Variants in RASGRF2 observed in about 807,000 individuals in gnomAD.
RASGRF2 encodes the protein Ras protein specific guanine nucleotide releasing factor 2.
A neutral mutation model predicts 151.0 loss-of-function variants in RASGRF2; 76 were observed. The observed-to-expected ratio is 0.50, with a 90% CI of 0.42 to 0.61. The LOEUF (loss-of-function observed/expected upper bound fraction) is 0.61, where lower values mean the gene tolerates loss of function less well. Among genes scored for constraint, RASGRF2 ranks in the 20% least tolerant of loss-of-function variants. The pLI, the probability that RASGRF2 is intolerant of heterozygous loss-of-function variation, is 0.00. For synonymous variants in RASGRF2, 504 were observed against 566.5 expected, an observed-to-expected ratio of 0.89 and a Z score of 1.57; for missense variants, 1,148 against 1,564.6, an observed-to-expected ratio of 0.73 and a Z score of 4.49.
chr5:81,004,472 T>C (rs1179952812), intron 1 of RASGRF2, among the ~76,000 whole-genome samples: 1 of 152,198 alleles, frequency 6.6e-6, no homozygotes, highest in Non-Finnish European at 1.5e-5. Context: ...GCAAAGAGGC[T>C]GTGTTGGGTG....
chr5:81,197,316 C>T (rs1404008174), intron 18 of RASGRF2, among the ~76,000 whole-genome samples: 3 of 150,740 alleles, frequency 2.0e-5, no homozygotes, highest in Non-Finnish European at 4.4e-5. Flanking sequence ...ATTAGCCGGG[C>T]GCGGTGGCGG....
At chr5:80,981,878 C>T (rs114122789) in intron 1 of RASGRF2, among the ~76,000 whole-genome samples, 180 of 152,162 alleles carry the variant, frequency 1.2e-3, no homozygotes, top group African/African-American at 4.1e-3. Flanking sequence ...CTAAAAATTG[C>T]TTTTTAAAAA....
intron 1 of RASGRF2, among the ~76,000 whole-genome samples, chr5:81,012,870 TG>T (rs1356334867): frequency 6.6e-6 from 1 of 152,074 alleles, no homozygotes; most frequent in Non-Finnish European, 1.5e-5. Flanking sequence ...GTCGTGCACC[TG>T]GTCATCCACT....
intron 4 of RASGRF2, among the ~76,000 whole-genome samples, chr5:81,072,342 C>A (rs529995519): frequency 6.6e-6 from 1 of 152,082 alleles, no homozygotes; most frequent in Admixed American, 6.5e-5. Flanking sequence ...GGTGACGACA[C>A]TGGTAGGCAG....
intron 1 of RASGRF2, among the ~76,000 whole-genome samples, chr5:81,008,591 G>A (rs1580198175): frequency 1.3e-5 from 2 of 152,262 alleles, no homozygotes; most frequent in East Asian, 3.9e-4. Flanking sequence ...ATCAGTATAT[G>A]TGTGTCTATA....
intron 17 of RASGRF2, among the ~76,000 whole-genome samples, chr5:81,174,684 C>A (rs1410998522): frequency 6.6e-6 from 1 of 152,100 alleles, no homozygotes; most frequent in Non-Finnish European, 1.5e-5. Flanking sequence ...CACTTTTAAA[C>A]TTTTTTATTG....
At chr5:81,127,551 T>C (rs541317253) in intron 17 of RASGRF2, among the ~76,000 whole-genome samples, 14 of 151,724 alleles carry the variant, frequency 9.2e-5, no homozygotes, top group Non-Finnish European at 1.6e-4. Flanking sequence ...AAAATAATAA[T>C]AAGAGAATGC....
intron 17 of RASGRF2, among the ~76,000 whole-genome samples, chr5:81,157,240 G>C (rs566569360): frequency 6.6e-6 from 1 of 151,510 alleles, no homozygotes; most frequent in African/African-American, 2.4e-5. Flanking sequence ...TGTAGTCCCA[G>C]CTACTCGGAG....
intron 1 of RASGRF2, among the ~76,000 whole-genome samples, chr5:81,029,307 T>TCC (rs1415002705): frequency 6.6e-6 from 1 of 152,204 alleles, no homozygotes; most frequent in Non-Finnish European, 1.5e-5. Flanking sequence ...GTAGTGGTTC[T>TCC]CCCAGCACAC....
At chr5:81,072,272 A>C (rs1561591919) in intron 4 of RASGRF2, among the ~76,000 whole-genome samples, 1 of 152,190 alleles carries the variant, frequency 6.6e-6, no homozygotes, top group African/African-American at 2.4e-5. Flanking sequence ...TTGTGTTAAA[A>C]TGTGGTTAAT....
intron 18 of RASGRF2, among the ~76,000 whole-genome samples, chr5:81,191,599 G>T (rs755824314): frequency 1.3e-5 from 2 of 151,840 alleles, no homozygotes; most frequent in Non-Finnish European, 2.9e-5. Context: ...TTTTCCCTCT[G>T]GTCTTTGTCA....
chr5:80,996,533 TCCCC>T (rs1294411331), intron 1 of RASGRF2, among the ~76,000 whole-genome samples: 15 of 36,542 alleles, frequency 4.1e-4, no homozygotes, highest in South Asian at 2.2e-3. Flanking sequence ...CTCCTCCTCC[TCCCC>T]CTCCTCCTCC....
At chr5:80,969,537 C>T (rs1248793805) in intron 1 of RASGRF2, among the ~76,000 whole-genome samples, 1 of 151,374 alleles carries the variant, frequency 6.6e-6, no homozygotes, top group Non-Finnish European at 1.5e-5. Context: ...CAAGCTCCGC[C>T]TCCAGGGTTC....
At chr5:81,021,584 A>G (rs1414906347) in intron 1 of RASGRF2, among the ~76,000 whole-genome samples, 1 of 151,300 alleles carries the variant, frequency 6.6e-6, no homozygotes, top group East Asian at 1.9e-4. Flanking sequence ...GTGTGTGTCT[A>G]TCAGAGGGTG....
chr5:81,067,309 A>G (rs780611519), intron 2 of RASGRF2, among the ~76,000 whole-genome samples: 24 of 152,240 alleles, frequency 1.6e-4, no homozygotes, highest in Non-Finnish European at 3.1e-4. Context: ...TGATGCAAGA[A>G]GATCTGGAGG....
rs1755392572 is a variant in RASGRF2, at chr5:81,201,462, C to G, written c.2906+20C>G. ...CCTCAGGTGAAGGCAGCTGAAGATG[C>G]CGACTGGATGACATTGGTTGATTCC... On this transcript the variant is annotated intron_variant, in intron 19 of 26. Coordinates refer to ENST00000265080, the MANE Select transcript of RASGRF2 (RefSeq NM_006909.3). The G allele has an allele frequency of 6.2e-7, 1 of 1,602,810 alleles. No individual in the cohort carries two copies. The highest frequency in any genetic ancestry group is 1.4e-5 in the African/African-American group (1 of 74,022).
intron 1 of RASGRF2, among the ~76,000 whole-genome samples, chr5:81,029,661 A>G (rs1160549011): frequency 1.3e-5 from 2 of 152,238 alleles, no homozygotes; most frequent in Non-Finnish European, 2.9e-5. Flanking sequence ...CACCATCATC[A>G]AAGACCAAAG....
chr5:81,109,502 T>C (rs946149443), intron 13 of RASGRF2, among the ~76,000 whole-genome samples: 8 of 152,040 alleles, frequency 5.3e-5, no homozygotes, highest in African/African-American at 1.9e-4. Flanking sequence ...CCATCTCTAC[T>C]AAAAATACAA....
intron 17 of RASGRF2, among the ~76,000 whole-genome samples, chr5:81,144,474 G>A (rs918305191): frequency 1.3e-5 from 2 of 152,192 alleles, no homozygotes; most frequent in Non-Finnish European, 2.9e-5. Context: ...GACATAAGGC[G>A]ATAACTTGAT....
Sources: gnomAD v4.1 joint callset for allele counts (sites outside exome capture counted in the v4.1 genomes callset) on GRCh38, gnomAD v4.1.1 for gene constraint, MANE v1.5 for transcripts, NCBI Gene and HGNC (gene_info 2026-07-23, HGNC 2026-07-21) for gene names.